Variants in PLEKHG1 observed in about 807,000 individuals in gnomAD.
PLEKHG1 encodes the protein pleckstrin homology and RhoGEF domain containing G1.
In PLEKHG1, 44 loss-of-function variants were observed where a neutral mutation model predicts 100.8. That is an observed-to-expected ratio of 0.44 (90% confidence interval 0.34 to 0.56). The LOEUF is 0.56. Among genes scored for constraint, PLEKHG1 ranks in the 20% least tolerant of loss-of-function variants. PLEKHG1 has a pLI of 0.01. For synonymous variants in PLEKHG1, 640 were observed against 662.5 expected, an observed-to-expected ratio of 0.97 and a Z score of 0.52; for missense variants, 1,545 against 1,720.9, an observed-to-expected ratio of 0.90 and a Z score of 1.81.
chr6:150,726,394 C>T (rs1781964795), intron 1 of PLEKHG1, among the ~76,000 whole-genome samples: 1 of 152,104 alleles, frequency 6.6e-6, no homozygotes, highest in South Asian at 2.1e-4. Flanking sequence ...AAGTTTTATA[C>T]ATTAAATATG....
At chr6:150,625,248 T>C (rs1043978537) in intron 1 of PLEKHG1, among the ~76,000 whole-genome samples, 2 of 152,218 alleles carry the variant, frequency 1.3e-5, no homozygotes, top group Non-Finnish European at 2.9e-5. Context: ...GTGGCTTCAA[T>C]GACAGAAATA....
intron 10 of PLEKHG1, among the ~76,000 whole-genome samples, chr6:150,809,959 C>T (rs1487600214): frequency 6.7e-6 from 1 of 150,302 alleles, no homozygotes; most frequent in African/African-American, 2.4e-5. Flanking sequence ...CATTTAATTA[C>T]TAATGAAGCC....
intron 3 of PLEKHG1, among the ~76,000 whole-genome samples, chr6:150,782,937 A>G (rs1785397884): frequency 6.6e-6 from 1 of 152,180 alleles, no homozygotes; most frequent in Non-Finnish European, 1.5e-5. Flanking sequence ...AGCTAAAATC[A>G]TCAAAAAGGG....
chr6:150,774,768 T>C (rs769915100), intron 3 of PLEKHG1, among the ~76,000 whole-genome samples: 2 of 151,670 alleles, frequency 1.3e-5, no homozygotes, highest in Non-Finnish European at 2.9e-5. Context: ...ACGAACTCCT[T>C]AATCCACCCA....
intron 14 of PLEKHG1, 114 bp from the exon 16 acceptor site, chr6:150,830,468 A>G: frequency 1.4e-6 from 1 of 738,952 alleles, no homozygotes; most frequent in Non-Finnish European, 2.2e-6. Flanking sequence ...GAAAAAAATA[A>G]AAGAATATTA....
chr6:150,757,391 G>A (rs1360762914), intron 2 of PLEKHG1, among the ~76,000 whole-genome samples: 4 of 152,184 alleles, frequency 2.6e-5, no homozygotes, highest in Admixed American at 2.6e-4. Flanking sequence ...TGAAGTGTGG[G>A]TTGTTACTTG....
intron 3 of PLEKHG1, among the ~76,000 whole-genome samples, chr6:150,672,523 G>A (rs1302094520): frequency 6.6e-6 from 1 of 152,170 alleles, no homozygotes; most frequent in Non-Finnish European, 1.5e-5. Context: ...TTCATTAGTT[G>A]CTCATTCTAA....
chr6:150,810,240 C>A (rs1281686748), intron 10 of PLEKHG1, among the ~76,000 whole-genome samples: 1 of 150,676 alleles, frequency 6.6e-6, no homozygotes, highest in Non-Finnish European at 1.5e-5. Flanking sequence ...GCGGAGGTTG[C>A]AGTGAGCTGA....
chr6:150,706,607 C>T (rs1781016411), intron 3 of PLEKHG1, among the ~76,000 whole-genome samples: 1 of 63,906 alleles, frequency 1.6e-5, no homozygotes, highest in Non-Finnish European at 3.4e-5. Context: ...GAGCAAGACT[C>T]TGTCTCAAAA....
intron 4 of PLEKHG1, among the ~76,000 whole-genome samples, chr6:150,795,636 C>T (rs1484565062): frequency 2.7e-5 from 4 of 149,524 alleles, no homozygotes; most frequent in Non-Finnish European, 5.9e-5. Flanking sequence ...GCAGGATAAT[C>T]GCTTGAACCG....
In PLEKHG1 at chr6:150,689,827, C is replaced by G. The variant is rs138856677; in HGVS notation, c.-99+39041C>G. ...CTGAGATTGTGCCATTGCACTCCAG[C>G]CTGGGCAACAAGAGCGAAACTCTGT... is the stretch of plus-strand genomic sequence containing the variant. On this transcript the variant is annotated intron_variant, in intron 3 of 3. Coordinates refer to the PLEKHG1 transcript ENST00000367326. Among the ~76,000 whole-genome samples, 888 of 149,708 alleles carry G rather than the reference C, an allele frequency of 5.9e-3. 10 individuals are homozygous for G. Among genetic ancestry groups the G allele is most frequent in the African/African-American group, 0.02 (825 of 40,576 alleles).
intron 1 of PLEKHG1, among the ~76,000 whole-genome samples, chr6:150,628,905 T>C (rs9480503): frequency 0.076 from 11,486 of 152,116 alleles, 539 homozygotes; most frequent in Non-Finnish European, 0.1. Flanking sequence ...TGGAATGCAA[T>C]GGAAATAGAG....
chr6:150,830,806 A>C (rs778876058), exon 15 of PLEKHG1: 1 of 1,613,976 alleles, frequency 6.2e-7, no homozygotes, highest in African/African-American at 1.3e-5. Flanking sequence ...TCGTGCCGTC[A>C]TTTTCCTCCT....
intron 3 of PLEKHG1, among the ~76,000 whole-genome samples, chr6:150,657,103 G>A (rs926169867): frequency 7.2e-5 from 11 of 152,132 alleles, no homozygotes; most frequent in African/African-American, 2.4e-4. Flanking sequence ...TAGACCTTTT[G>A]CTATCAAACT....
intron 4 of PLEKHG1, among the ~76,000 whole-genome samples, chr6:150,794,409 T>TA (rs1453078636): frequency 6.6e-6 from 1 of 152,166 alleles, no homozygotes; most frequent in Non-Finnish European, 1.5e-5. Flanking sequence ...CTCATGCCTA[T>TA]AATCCCAACA....
rs1776895288 is a variant in PLEKHG1 at position 150,831,059 on chromosome 6, A to G, written c.1948A>G (p.Ile650Val). 5.6e-6 allele frequency: 9 copies of G among 1,614,042 alleles called. No individual in the cohort carries two copies. Among genetic ancestry groups the G allele is most frequent in the Middle Eastern group, 1.6e-4 (1 of 6,062 alleles). The change falls in exon 15 of 16, where the codon ATA becomes GTA. Residue 650 changes from isoleucine to valine, a missense_variant. Coordinates refer to ENST00000358517, the Ensembl canonical transcript of PLEKHG1. This position sits in a 1 kb window ranked among gnomAD's most constrained non-coding sequence, Gnocchi z 4.1. ...GGAGATGACTCCCTTTGGGTCATCCATAGAGTTGACTATTGATGACATAGA... is the reference window on the plus strand; with the variant it reads ...GGAGATGACTCCCTTTGGGTCATCCGTAGAGTTGACTATTGATGACATAGA...
At chr6:150,803,890 T>G (rs1225607364) in intron 6 of PLEKHG1, among the ~76,000 whole-genome samples, 1 of 151,930 alleles carries the variant, frequency 6.6e-6, no homozygotes, top group African/African-American at 2.4e-5. Flanking sequence ...AGAACTATAT[T>G]TCTGAGAACT....
intron 6 of PLEKHG1, among the ~76,000 whole-genome samples, chr6:150,804,155 T>TATATATATATATATATATATATATATA (rs1554276213): frequency 9.9e-5 from 3 of 30,270 alleles, no homozygotes; most frequent in African/African-American, 4.3e-4. Flanking sequence ...TGTAAATATT[T>TATATATATATATATATATATATATATA]TATATATATA....
intron 1 of PLEKHG1, among the ~76,000 whole-genome samples, chr6:150,725,533 T>C (rs996617152): frequency 6.6e-6 from 1 of 152,248 alleles, no homozygotes; most frequent in African/African-American, 2.4e-5. Context: ...TGTACAAATA[T>C]GTGCTTTAAC....
Sources: gnomAD v4.1 joint callset for allele counts (sites outside exome capture counted in the v4.1 genomes callset) on GRCh38, gnomAD v4.1.1 for gene constraint, Gnocchi (gnomAD v3.1) non-coding constraint, MANE v1.5 for transcripts, NCBI Gene and HGNC (gene_info 2026-07-23, HGNC 2026-07-21) for gene names.